Variants in IL16 observed in about 807,000 individuals in gnomAD.
IL16 encodes pro-interleukin-16.
Under a neutral mutation model 110.1 loss-of-function variants are expected in IL16, and 67 were observed. That is an observed-to-expected ratio of 0.61 (90% confidence interval 0.50 to 0.75). IL16 has a LOEUF of 0.75. Ranked by LOEUF, IL16 falls within the 30% of genes least tolerant of loss-of-function variation. IL16 has a pLI of 0.00. For missense variants in IL16, 1,545 were observed against 1,655.0 expected (o/e 0.93, Z 1.15); for synonymous variants, 689 against 662.9 (o/e 1.04, Z -0.61).
intron 4 of IL16, among the ~76,000 whole-genome samples, chr15:81,267,754 G>A (rs552924725): frequency 6.6e-6 from 1 of 152,320 alleles, no homozygotes; most frequent in South Asian, 2.1e-4. Context: ...GAAAAAGGCT[G>A]ATGTCCTAGT....
At chr15:81,258,721 C>T (rs575968265) in intron 2 of IL16, among the ~76,000 whole-genome samples, 2 of 145,622 alleles carry the variant, frequency 1.4e-5, no homozygotes, top group South Asian at 2.1e-4. Context: ...CTCTGTCACT[C>T]GCGCACGCGC....
chr15:81,283,700 G>T (rs959452699), intron 9 of IL16, among the ~76,000 whole-genome samples: 6 of 152,138 alleles, frequency 3.9e-5, no homozygotes, highest in Non-Finnish European at 4.4e-5. Flanking sequence ...TGGAAATGGT[G>T]GCTTAATGAC....
At chr15:81,292,135 A>G (rs978526414) in intron 11 of IL16, 5 of 360,314 alleles carry the variant, frequency 1.4e-5, no homozygotes, top group African/African-American at 1.1e-4. Context: ...ATGTTGGCCA[A>G]CATAGCTGGG....
At chr15:81,292,299 A>T in intron 11 of IL16, 1 of 525,854 alleles carries the variant, frequency 1.9e-6, no homozygotes, top group Non-Finnish European at 3.5e-6. Context: ...CCCTTCCTCG[A>T]TGGGTGATCT....
At chr15:81,236,683 C>T (rs539504202) in intron 2 of IL16, among the ~76,000 whole-genome samples, 4 of 152,112 alleles carry the variant, frequency 2.6e-5, no homozygotes, top group Non-Finnish European at 5.9e-5. Flanking sequence ...AGGCCGGGCG[C>T]GGTGGCTCAT....
rs1352212670 is a variant in IL16 at position 81,311,643 on chromosome 15, G to A, written c.*2845G>A. On this transcript the variant is annotated 3_prime_UTR_variant, in exon 19 of 19. Transcript: ENST00000683961. ...TGATAAGACCACCACCTCAGAGTAT[G>A]GAGCTCAGAGAGGGCAGGCATGAAG... 6.6e-6 allele frequency: 1 copy of A among 152,246 alleles called. No homozygotes were observed. The highest frequency in any genetic ancestry group is 2.4e-5 in the African/African-American group (1 of 41,448). 9.4% of individuals were successfully genotyped at this position (152,246 alleles called of 1,614,324 possible). A position where few individuals can be genotyped will look rare whatever the true frequency, so the allele number is the denominator to read the frequency against.
rs768656373 is a variant in IL16, at chr15:81,292,743, C to T, written c.1608C>T (p.Asp536=). The T allele has an allele frequency of 1.1e-5, 17 of 1,614,072 alleles. No homozygotes were observed. Among genetic ancestry groups the T allele is most frequent in the African/African-American group, 6.7e-5 (5 of 74,930 alleles). ...GSGSAEKPSS[D]VDISTHSPSL... The stretch of plus-strand genomic sequence containing the variant: ...GCAGTGCTGAGAAGCCGTCCTCTGA[C>T]GTGGACATCAGCACACACAGCCCCA... Residue 536 remains aspartate (D), a synonymous_variant, in exon 12 of 19, where the codon GAC becomes GAT. Transcript: ENST00000683961.
intron 1 of IL16, among the ~76,000 whole-genome samples, chr15:81,184,360 C>T (rs931963): frequency 0.25 from 38,190 of 152,046 alleles, 6,462 homozygotes; most frequent in East Asian, 0.64. Flanking sequence ...ACAACACCAG[C>T]GTGGGGTGAG....
intron 1 of IL16, among the ~76,000 whole-genome samples, chr15:81,200,748 G>A (rs1450656003): frequency 6.6e-6 from 1 of 152,134 alleles, no homozygotes; most frequent in African/African-American, 2.4e-5. Flanking sequence ...AATGTGTCAG[G>A]AGAGTATTGT....
intron 1 of IL16, among the ~76,000 whole-genome samples, chr15:81,224,007 A>G (rs140648286): frequency 6.4e-4 from 98 of 152,348 alleles, no homozygotes; most frequent in African/African-American, 2.2e-3. Flanking sequence ...CATCAAACAC[A>G]GTGCCTGATA....
chr15:81,200,469 A>G (rs2141951523), intron 1 of IL16, among the ~76,000 whole-genome samples: 1 of 152,302 alleles, frequency 6.6e-6, no homozygotes, highest in East Asian at 1.9e-4. Flanking sequence ...CCGTGAGCTC[A>G]GGTGATTCTC....
chr15:81,197,631 G>C (rs537047357), intron 1 of IL16, among the ~76,000 whole-genome samples: 1 of 152,176 alleles, frequency 6.6e-6, no homozygotes, highest in African/African-American at 2.4e-5. Context: ...CATGGGAAAA[G>C]TGTTCACTCT....
At chr15:81,296,607 T>G in intron 12 of IL16, among the ~76,000 whole-genome samples, 1 of 152,154 alleles carries the variant, frequency 6.6e-6, no homozygotes, top group Non-Finnish European at 1.5e-5. Context: ...CAGTTGTAAC[T>G]GAAGCAATGC....
chr15:81,195,298 C>A (rs1290399575), upstream of IL16, among the ~76,000 whole-genome samples: 3 of 152,140 alleles, frequency 2.0e-5, no homozygotes, highest in Admixed American at 2.0e-4. Flanking sequence ...GGCCAGCCCC[C>A]ATAGCCCTGG....
intron 1 of IL16, among the ~76,000 whole-genome samples, chr15:81,215,442 G>C (rs1189538690): frequency 1.3e-5 from 2 of 152,196 alleles, no homozygotes; most frequent in African/African-American, 4.8e-5. Context: ...GTGTGGAAGA[G>C]TGATGGCCAA....
chr15:81,304,307 G>A (rs550085406), intron 16 of IL16, among the ~76,000 whole-genome samples: 8 of 152,156 alleles, frequency 5.3e-5, no homozygotes, highest in Non-Finnish European at 1.0e-4. Flanking sequence ...ATTCCTGACC[G>A]TGTAGTTTAC....
chr15:81,195,474 A>G (rs1009320766), upstream of IL16, among the ~76,000 whole-genome samples: 2 of 152,130 alleles, frequency 1.3e-5, no homozygotes, highest in Non-Finnish European at 2.9e-5. Context: ...AAATTCCTTC[A>G]CTGCACTCCA....
At chr15:81,210,408 G>A (rs1896193179) in intron 1 of IL16, among the ~76,000 whole-genome samples, 2 of 152,192 alleles carry the variant, frequency 1.3e-5, no homozygotes, top group Non-Finnish European at 2.9e-5. Context: ...AAGGACACTG[G>A]TAGTTTGATA....
At chr15:81,199,651 G>A (rs963714348) in intron 1 of IL16, among the ~76,000 whole-genome samples, 1 of 152,146 alleles carries the variant, frequency 6.6e-6, no homozygotes, top group Admixed American at 6.6e-5. Context: ...CAGCCAATAG[G>A]AGGCGGTCAC....
Sources: gnomAD v4.1 joint callset for allele counts (sites outside exome capture counted in the v4.1 genomes callset) on GRCh38, gnomAD v4.1.1 for gene constraint, MANE v1.5 for transcripts, NCBI Gene and HGNC (gene_info 2026-07-23, HGNC 2026-07-21) for gene names.